The following LRMDA variants were observed in gnomAD, a reference collection of about 807,000 sequenced individuals.
LRMDA encodes the protein leucine-rich melanocyte differentiation-associated protein.
LRMDA carries 18 observed loss-of-function variants against 29.8 expected under a neutral mutation model. That is an observed-to-expected ratio of 0.60 (90% CI 0.42 to 0.90). The LOEUF is 0.90. Among genes scored for constraint, LRMDA ranks in the 40% least tolerant of loss-of-function variants. The probability of loss-of-function intolerance (pLI) is 0.00; values close to 1 mark genes in which losing one functional copy is unlikely to be tolerated. For synonymous variants in LRMDA, 125 were observed against 109.4 expected (o/e 1.14, Z -0.89); for missense variants, 273 against 273.9 (o/e 1.00, Z 0.02).
chr10:76,517,939 C>CATATATATATATATATATATAAACAT (rs71024602), intron 6 of LRMDA, among the ~76,000 whole-genome samples: 10 of 144,260 alleles, frequency 6.9e-5, no homozygotes, highest in Middle Eastern at 3.6e-3. Flanking sequence ...TATATATAAA[C>CATATATATATATATATATATAAACAT]ATATATATAT....
chr10:75,670,096 G>T (rs1256915201), intron 2 of LRMDA, among the ~76,000 whole-genome samples: 1 of 152,258 alleles, frequency 6.6e-6, no homozygotes, highest in Non-Finnish European at 1.5e-5. Context: ...TAGAGTTGGT[G>T]TGATAGAAGA....
intron 5 of LRMDA, among the ~76,000 whole-genome samples, chr10:76,164,537 C>A (rs1850700483): frequency 1.3e-5 from 2 of 151,922 alleles, no homozygotes; most frequent in African/African-American, 4.8e-5. Flanking sequence ...CAAAAAACCA[C>A]CCAAAAAACA....
intron 2 of LRMDA, among the ~76,000 whole-genome samples, chr10:75,506,898 G>GTA (rs1845174393): frequency 6.6e-6 from 1 of 152,168 alleles, no homozygotes; most frequent in African/African-American, 2.4e-5. Context: ...AGAAGCAATG[G>GTA]CAGAGGAAGT....
At chr10:76,500,229 T>G (rs2132341914) in intron 6 of LRMDA, among the ~76,000 whole-genome samples, 1 of 76,438 alleles carries the variant, frequency 1.3e-5, no homozygotes, top group African/African-American at 3.2e-5. Flanking sequence ...ATATAAAACA[T>G]GTAAGACAGA....
intron 5 of LRMDA, among the ~76,000 whole-genome samples, chr10:76,232,069 A>G (rs991053275): frequency 9.2e-5 from 14 of 152,302 alleles, no homozygotes; most frequent in Middle Eastern, 3.4e-3. Flanking sequence ...TTCCTATTCT[A>G]TTGATTTATC....
intron 2 of LRMDA, among the ~76,000 whole-genome samples, chr10:75,861,206 A>G (rs2132322153): frequency 6.6e-6 from 1 of 152,368 alleles, no homozygotes; most frequent in African/African-American, 2.4e-5. Context: ...CAACAGGTGG[A>G]TTGGAATCAG....
At chr10:76,080,164 CT>C (rs2132078405) in intron 5 of LRMDA, among the ~76,000 whole-genome samples, 1 of 152,284 alleles carries the variant, frequency 6.6e-6, no homozygotes, top group South Asian at 2.1e-4. Flanking sequence ...CACCTTCTTT[CT>C]CTCATCAATC....
chr10:75,638,871 A>G (rs1484934542), intron 2 of LRMDA, among the ~76,000 whole-genome samples: 5 of 152,240 alleles, frequency 3.3e-5, no homozygotes, highest in Non-Finnish European at 7.3e-5. Context: ...GATGCTGGAT[A>G]TAGCACACAA....
intron 2 of LRMDA, among the ~76,000 whole-genome samples, chr10:75,870,926 C>G (rs1441807086): frequency 6.7e-6 from 1 of 150,214 alleles, no homozygotes; most frequent in Admixed American, 6.6e-5. Flanking sequence ...TCCCTCACAC[C>G]CCTTTGTTCT....
chr10:75,710,605 C>T (rs1274068655), intron 2 of LRMDA, among the ~76,000 whole-genome samples: 2 of 152,154 alleles, frequency 1.3e-5, no homozygotes, highest in Non-Finnish European at 2.9e-5. Flanking sequence ...CTGCCTTTTT[C>T]CCCCCGCTTC....
intron 5 of LRMDA, among the ~76,000 whole-genome samples, chr10:76,212,182 T>C (rs1291886347): frequency 6.6e-6 from 1 of 150,848 alleles, no homozygotes; most frequent in Non-Finnish European, 1.5e-5. Context: ...AGAATTAACA[T>C]AGGATACAGA....
At chr10:75,760,287 A>G (rs1471457422) in intron 2 of LRMDA, among the ~76,000 whole-genome samples, 2 of 152,206 alleles carry the variant, frequency 1.3e-5, no homozygotes. Context: ...AGTTCAAGTC[A>G]GAATGCACTT....
Position 75,693,645 on chromosome 10 carries a change from C to G in LRMDA, c.131+255151C>G, listed in dbSNP as rs554626249. Among the ~76,000 whole-genome samples the G allele has an allele frequency of 5.3e-5, 8 of 152,322 alleles. No individual in the cohort carries two copies. The East Asian group carries it at 1.5e-3, about 29-fold the overall frequency. On this transcript the variant is annotated intron_variant, in intron 2 of 6. Transcript: ENST00000611255. The stretch of plus-strand genomic sequence containing the variant: ...TTTTATATTGGCTGTCAGCGCTTAA[C>G]TGGGACTGAAGTATCTGGGTAACAA...
At chr10:76,101,736 C>CAA (rs35511942) in intron 5 of LRMDA, among the ~76,000 whole-genome samples, 2,715 of 149,752 alleles carry the variant, frequency 0.018, 78 homozygotes, top group African/African-American at 0.059. Flanking sequence ...GACTCTGTCT[C>CAA]AAAAAAAAAA....
At chr10:76,218,119 A>G (rs940267670) in intron 5 of LRMDA, among the ~76,000 whole-genome samples, 4 of 152,194 alleles carry the variant, frequency 2.6e-5, no homozygotes, top group African/African-American at 9.6e-5. Context: ...TGGCGGGAGC[A>G]TGGAACGTGT....
At chr10:76,332,283 G>A (rs1435735182) in intron 6 of LRMDA, among the ~76,000 whole-genome samples, 1 of 152,214 alleles carries the variant, frequency 6.6e-6, no homozygotes, top group East Asian at 1.9e-4. Context: ...GACTGGCATG[G>A]AGTTTAGCCA....
intron 5 of LRMDA, among the ~76,000 whole-genome samples, chr10:76,209,366 G>A (rs985083741): frequency 6.6e-5 from 10 of 151,698 alleles, no homozygotes; most frequent in Non-Finnish European, 1.3e-4. Flanking sequence ...TATGCAGGTC[G>A]CCTCCTTGTG....
chr10:76,148,819 C>T (rs537811977), intron 5 of LRMDA, among the ~76,000 whole-genome samples: 28 of 152,056 alleles, frequency 1.8e-4, no homozygotes, highest in African/African-American at 3.6e-4. Flanking sequence ...TGTTCCTTTT[C>T]GGCCATCTTG....
chr10:76,148,684 G>A (rs4345907), intron 5 of LRMDA, among the ~76,000 whole-genome samples: 56,456 of 151,986 alleles, frequency 0.37, 11,064 homozygotes, highest in African/African-American at 0.48. Flanking sequence ...TGCACAGTGC[G>A]CTGCACCCAC....
Sources: allele counts gnomAD v4.1 joint callset (sites outside exome capture counted in the v4.1 genomes callset), GRCh38; gene constraint gnomAD v4.1.1; transcripts MANE v1.5; gene names NCBI Gene and HGNC (gene_info 2026-07-23, HGNC 2026-07-21).